Variants in SPOCK1 observed in about 807,000 individuals in gnomAD.
SPOCK1 encodes the protein SPARC (osteonectin), cwcv and kazal like domains proteoglycan 1.
A neutral mutation model predicts 55.3 loss-of-function variants in SPOCK1; 23 were observed. The ratio of observed to expected loss-of-function variants is 0.42; its 90% CI spans 0.30 to 0.59. SPOCK1 has a LOEUF of 0.59. SPOCK1 is among the 20% of genes least tolerant of loss of function. The pLI is 0.22. For missense variants in SPOCK1, 499 were observed against 552.5 expected, an observed-to-expected ratio of 0.90 and a Z score of 0.97; for synonymous variants, 226 against 221.0, an observed-to-expected ratio of 1.02 and a Z score of -0.20.
At chr5:137,053,183 A>G (rs1483103116) in intron 6 of SPOCK1, among the ~76,000 whole-genome samples, 1 of 152,182 alleles carries the variant, frequency 6.6e-6, no homozygotes, top group East Asian at 1.9e-4. Context: ...TCTGAGCCAC[A>G]CTGTGATGTC....
chr5:137,295,225 C>T (rs572915201), intron 2 of SPOCK1, among the ~76,000 whole-genome samples: 1 of 152,348 alleles, frequency 6.6e-6, no homozygotes, highest in South Asian at 2.1e-4. Flanking sequence ...CTTTTCTGTA[C>T]TTCCCCAACA....
intron 2 of SPOCK1, among the ~76,000 whole-genome samples, chr5:137,472,422 CAT>C (rs529770206): frequency 1.3e-5 from 2 of 151,608 alleles, no homozygotes; most frequent in Non-Finnish European, 2.9e-5. Context: ...ACTGAGATCA[CAT>C]GTTTTTCCTA....
intron 2 of SPOCK1, among the ~76,000 whole-genome samples, chr5:137,333,198 G>A (rs1758219043): frequency 6.6e-6 from 1 of 152,202 alleles, no homozygotes; most frequent in Non-Finnish European, 1.5e-5. Context: ...ACAAAGCTGT[G>A]TAGGACAATA....
At chr5:137,030,345 T>G (rs536567453) in intron 6 of SPOCK1, among the ~76,000 whole-genome samples, 1 of 152,250 alleles carries the variant, frequency 6.6e-6, no homozygotes, top group Non-Finnish European at 1.5e-5. Context: ...CAGGAGGACA[T>G]AACACAGCTT....
At chr5:137,414,779 C>T (rs767196921) in intron 2 of SPOCK1, among the ~76,000 whole-genome samples, 7 of 152,120 alleles carry the variant, frequency 4.6e-5, no homozygotes, top group Non-Finnish European at 7.4e-5. Context: ...TTTTCCAAGA[C>T]TTTATATTTT....
At chr5:137,372,277 C>T (rs141865977) in intron 2 of SPOCK1, among the ~76,000 whole-genome samples, 43 of 152,324 alleles carry the variant, frequency 2.8e-4, no homozygotes, top group African/African-American at 9.1e-4. Context: ...CACAGCCAAG[C>T]TCCTAACTAC....
At chr5:136,985,073 T>C in intron 9 of SPOCK1, 67 bp downstream of exon 9, 1 of 1,453,262 alleles carries the variant, frequency 6.9e-7, no homozygotes, top group South Asian at 1.1e-5. Context: ...ATTGCCATGC[T>C]GATCATTACA....
chr5:137,387,696 T>C (rs1266257984), intron 2 of SPOCK1, among the ~76,000 whole-genome samples: 9 of 152,160 alleles, frequency 5.9e-5, no homozygotes, highest in African/African-American at 1.7e-4. Context: ...ATGTAAACTA[T>C]AGTCTTTGGA....
At position 136,982,607 on chromosome 5, in the gene SPOCK1, A is replaced by AT. The variant is rs58617794; in HGVS notation, c.991+2532dup. 8.2e-3 allele frequency among the ~76,000 whole-genome samples: 1,230 copies of AT among 150,632 alleles called. 13 individuals are homozygous for AT. Among genetic ancestry groups the AT allele is most frequent in the African/African-American group, 0.024 (989 of 41,154 alleles). On this transcript the variant is annotated intron_variant, in intron 9 of 10. Coordinates refer to ENST00000394945, the MANE Select transcript of SPOCK1 (RefSeq NM_004598.4). ...TAAAATCTACAGTTAATCTATACAG[A>AT]TTTTTTTTTTCATGAACAAACTAGA... is the stretch of plus-strand genomic sequence containing the variant.
At chr5:137,347,648 T>A (rs1750588645) in intron 2 of SPOCK1, among the ~76,000 whole-genome samples, 1 of 151,734 alleles carries the variant, frequency 6.6e-6, no homozygotes, top group Admixed American at 6.6e-5. Flanking sequence ...ACCTAGGAGG[T>A]GAAGGTTGCA....
At position 136,988,401 on chromosome 5, in the gene SPOCK1, CA is replaced by C; in HGVS notation, c.928+20del. ...CAAGGCTGCCCTGGGCTAGGGACCC[CA>C]ACCCTCCATCCCACCTTACCTCCAG... On this transcript the variant is annotated intron_variant, in intron 8 of 10. Transcript: ENST00000394945. 6.2e-7 allele frequency: 1 copy of C among 1,608,264 alleles called. No homozygotes were observed. The highest frequency in any genetic ancestry group is 1.1e-5 in the South Asian group (1 of 90,846).
chr5:137,190,614 C>A (rs529299755), intron 3 of SPOCK1, among the ~76,000 whole-genome samples: 4 of 152,206 alleles, frequency 2.6e-5, no homozygotes, highest in East Asian at 1.9e-4. Flanking sequence ...GGTTTGGAAC[C>A]AAACCCACAG....
At chr5:137,121,864 T>C (rs1753691053) in intron 4 of SPOCK1, among the ~76,000 whole-genome samples, 3 of 146,574 alleles carry the variant, frequency 2.0e-5, no homozygotes, top group South Asian at 4.2e-4. Context: ...GTTTTAAATA[T>C]ATAATATATA....
At chr5:137,235,115 G>A (rs573647561) in intron 3 of SPOCK1, among the ~76,000 whole-genome samples, 1 of 152,300 alleles carries the variant, frequency 6.6e-6, no homozygotes, top group South Asian at 2.1e-4. Context: ...GGCAAAGTGG[G>A]AGCTGAGGCT....
chr5:137,456,656 C>A (rs996723562), intron 2 of SPOCK1, among the ~76,000 whole-genome samples: 2 of 152,144 alleles, frequency 1.3e-5, no homozygotes, highest in Non-Finnish European at 2.9e-5. Flanking sequence ...AGGAGAAAGT[C>A]TTTGTCCTCA....
chr5:137,129,833 T>C (rs1446650944), intron 4 of SPOCK1, among the ~76,000 whole-genome samples: 1 of 152,176 alleles, frequency 6.6e-6, no homozygotes, highest in Non-Finnish European at 1.5e-5. Context: ...TGGTAGACAA[T>C]GGCTGGTTAT....
At chr5:137,127,589 TAA>T (rs1318003996) in intron 4 of SPOCK1, among the ~76,000 whole-genome samples, 1 of 152,284 alleles carries the variant, frequency 6.6e-6, no homozygotes, top group African/African-American at 2.4e-5. Context: ...GGGCAGAATA[TAA>T]AGTCACAAAA....
At chr5:136,981,334 A>C (rs1442260705) in intron 9 of SPOCK1, among the ~76,000 whole-genome samples, 1 of 152,216 alleles carries the variant, frequency 6.6e-6, no homozygotes, top group African/African-American at 2.4e-5. Flanking sequence ...TCAGAAAACT[A>C]TCTCTGATAT....
chr5:137,078,340 C>A, intron 5 of SPOCK1, among the ~76,000 whole-genome samples: 1 of 152,172 alleles, frequency 6.6e-6, no homozygotes, highest in East Asian at 1.9e-4. Flanking sequence ...GGTTTCCTTG[C>A]AGGGGACCCA....
Sources: allele counts gnomAD v4.1 joint callset (sites outside exome capture counted in the v4.1 genomes callset), GRCh38; gene constraint gnomAD v4.1.1; transcripts MANE v1.5; gene names NCBI Gene and HGNC (gene_info 2026-07-23, HGNC 2026-07-21).